The following PHF12 variants were observed in gnomAD, a reference collection of about 807,000 sequenced individuals.
PHF12 encodes the protein PHD finger protein 12.
PHF12 carries 6 observed loss-of-function variants against 99.8 expected under a neutral mutation model. That is an observed-to-expected ratio of 0.06 (90% CI 0.03 to 0.12). The LOEUF is 0.12. Ranked by LOEUF, PHF12 falls within the 10% of genes least tolerant of loss-of-function variation. The pLI, the probability that PHF12 is intolerant of heterozygous loss-of-function variation, is 1.00. For missense variants in PHF12, 954 were observed against 1,300.1 expected (o/e 0.73, Z 4.09); for synonymous variants, 480 against 514.9 (o/e 0.93, Z 0.92).
chr17:28,907,629 G>A lies in PHF12; in HGVS notation c.2502C>T (p.Asn834=). ...TGCAGGCATGTTTCCCGGACACGTA[G>A]TTACAGTGACCATAGTTTGTAAGGC... The part of the protein sequence containing the change: ...DVCLTNYGHC[N]YVSGKHACIF... Residue 834 remains asparagine (N), a synonymous_variant, in exon 13 of 15, where the codon AAC becomes AAT. Transcript: ENST00000332830. The A allele has an allele frequency of 6.2e-7, 1 of 1,614,020 alleles. No individual in the cohort carries two copies. Among genetic ancestry groups the A allele is most frequent in the Non-Finnish European group, 8.5e-7 (1 of 1,179,938 alleles).
At chr17:28,910,993 C>T (rs2039949325) in intron 10 of PHF12, 119 bp downstream of exon 10, 1 of 1,430,956 alleles carries the variant, frequency 7.0e-7, no homozygotes, top group Non-Finnish European at 9.5e-7. Context: ...TTCCCATCTC[C>T]CCCTAGGCCT....
chr17:28,939,281 T>A (rs1343166395), intron 2 of PHF12, among the ~76,000 whole-genome samples: 3 of 152,236 alleles, frequency 2.0e-5, no homozygotes, highest in Non-Finnish European at 4.4e-5. Flanking sequence ...AAAGCCAAAA[T>A]TACTGACAAC....
chr17:28,911,898 G>A lies in PHF12; in HGVS notation c.2089+584C>T, dbSNP rs540382665. ...AGGCCAAGTACAGACCTGAAGGACC[G>A]CCCTTTGGCATGTGGCCTGAGGGCA... On this transcript the variant is annotated intron_variant, in intron 9 of 14. Transcript: ENST00000332830. Among the ~76,000 whole-genome samples, 8 of 152,354 alleles carry A rather than the reference G, an allele frequency of 5.3e-5. No homozygotes were observed. In the South Asian group the frequency reaches 8.3e-4, roughly 16 times the overall value.
intron 10 of PHF12, 81 bp downstream of exon 10, chr17:28,911,031 T>G: frequency 2.1e-5 from 33 of 1,552,304 alleles, no homozygotes; most frequent in East Asian, 7.3e-5. Flanking sequence ...TTCCCTCCCT[T>G]TCTGAAATGA....
intron 5 of PHF12, 124 bp downstream of exon 5, chr17:28,921,564 T>C (rs1438961440): frequency 3.2e-6 from 4 of 1,257,082 alleles, no homozygotes; most frequent in Admixed American, 4.2e-5. Flanking sequence ...TTAGTCTCCA[T>C]GTACTCATAC....
At chr17:28,910,996 C>G in intron 10 of PHF12, 116 bp downstream of exon 10, 1 of 1,457,700 alleles carries the variant, frequency 6.9e-7, no homozygotes, top group South Asian at 1.3e-5. Flanking sequence ...CCATCTCCCC[C>G]TAGGCCTCTG....
Position 28,906,629 on chromosome 17 carries a change from G to T in PHF12, c.2681-112C>A. 2.3e-6 allele frequency: 3 copies of T among 1,302,176 alleles called. No homozygotes were observed. The highest frequency in any genetic ancestry group is 3.2e-6 in the Non-Finnish European group (3 of 951,706). 80.7% of individuals were successfully genotyped at this position (1,302,176 alleles called of 1,614,324 possible). A position where few individuals can be genotyped will look rare whatever the true frequency, so the allele number is the denominator to read the frequency against. On this transcript the variant is annotated intron_variant, in intron 14 of 14. Transcript: ENST00000332830. This position sits in a 1 kb window ranked among gnomAD's most constrained non-coding sequence, Gnocchi z 4.2. Reference sequence around the variant, plus strand: ...CCCCATTCCAACTGCTGCATGACTAGGGAGGAAGGATGCTCAGAAAGGGTT... The same window carrying T: ...CCCCATTCCAACTGCTGCATGACTATGGAGGAAGGATGCTCAGAAAGGGTT...
intron 3 of PHF12, 30 bp downstream of exon 3, chr17:28,926,961 T>A: frequency 6.2e-7 from 1 of 1,612,732 alleles, no homozygotes; most frequent in Non-Finnish European, 8.5e-7. Flanking sequence ...TCAGGCTTTC[T>A]GGACAGTCTT....
chr17:28,921,906 A>G (rs746542415), intron 4 of PHF12, 98 bp from the exon 5 acceptor site: 3 of 1,532,196 alleles, frequency 2.0e-6, no homozygotes, highest in Non-Finnish European at 2.7e-6. Flanking sequence ...GATCTTAAGC[A>G]TGTGTCATGG....
intron 5 of PHF12, among the ~76,000 whole-genome samples, chr17:28,920,016 C>T (rs972895674): frequency 2.6e-5 from 4 of 152,154 alleles, no homozygotes; most frequent in African/African-American, 9.7e-5. Context: ...GGAGTCTTAA[C>T]TATAGCAAGA....
At chr17:28,947,597 CAAA>C (rs1215850504) in intron 2 of PHF12, among the ~76,000 whole-genome samples, 1 of 151,882 alleles carries the variant, frequency 6.6e-6, no homozygotes, top group East Asian at 1.9e-4. Flanking sequence ...AACAAACAAA[CAAA>C]AAACAACAAC....
At position 28,911,097 on chromosome 17, in the gene PHF12, A is replaced by G; in HGVS notation, c.2215+15T>C. On this transcript the variant is annotated intron_variant, in intron 10 of 14. Coordinates refer to ENST00000332830, the MANE Select transcript of PHF12 (RefSeq NM_001033561.2). ...ACATAGCAAACGGTGGAACAGCAGCAGCTCATTCACTCACCTCCATTGACA... is the reference window on the plus strand; with the variant it reads ...ACATAGCAAACGGTGGAACAGCAGCGGCTCATTCACTCACCTCCATTGACA... 6.2e-7 allele frequency: 1 copy of G among 1,614,130 alleles called. No homozygotes were observed.
chr17:28,938,390 C>T lies in PHF12; in HGVS notation c.249-11327G>A, dbSNP rs562208365. Among the ~76,000 whole-genome samples, 27 of 152,216 alleles carry T rather than the reference C, an allele frequency of 1.8e-4. No individual in the cohort carries two copies. In the South Asian group the frequency reaches 4.8e-3, roughly 27 times the overall value. ...GATTACAGGCAGGCACCACCACACCCGGCTAATTTTTGTATTTTTAGTAGA... is the reference window on the plus strand; with the variant it reads ...GATTACAGGCAGGCACCACCACACCTGGCTAATTTTTGTATTTTTAGTAGA... On this transcript the variant is annotated intron_variant, in intron 2 of 14. Transcript: ENST00000332830.
chr17:28,906,899 T>A lies in PHF12; in HGVS notation c.2637A>T (p.Pro879=), dbSNP rs2039880609. 2 of 1,612,894 alleles carry A rather than the reference T, an allele frequency of 1.2e-6. No individual in the cohort carries two copies. The stretch of plus-strand genomic sequence containing the variant: ...TGGCAACAATACTGCTTGGGGGGGT[T>A]GGCGGGGTCTTCTCCGAGAAGTCAC... ...YSCDFSEKTP[P]TPPSSIVAKV... The change falls in exon 14 of 15, where the codon CCA becomes CCT. Residue 879 remains proline, a synonymous_variant. Transcript: ENST00000332830. This position sits in a 1 kb window ranked among gnomAD's most constrained non-coding sequence, Gnocchi z 4.2.
rs1203889859 is a variant in PHF12, at chr17:28,950,812, G to T, written c.66+83C>A. ...CCTCCCTCGGCCATCTAGGCGCTTC[G>T]AGTTTAGGACTGGCTTTGTGGGGCG... On this transcript the variant is annotated intron_variant, in intron 1 of 14. Coordinates refer to ENST00000332830, the MANE Select transcript of PHF12 (RefSeq NM_001033561.2). The surrounding 1 kb of genome is among the most constrained non-coding windows in gnomAD (Gnocchi z 5.7). 3.2e-6 allele frequency: 5 copies of T among 1,555,656 alleles called. No individual in the cohort carries two copies. The African/African-American group carries it at 4.2e-5, about 13-fold the overall frequency.
chr17:28,907,784 G>T, intron 12 of PHF12, 112 bp from the exon 13 acceptor site: 1 of 894,780 alleles, frequency 1.1e-6, no homozygotes, highest in Non-Finnish European at 1.8e-6. Context: ...CACTAGCAGA[G>T]ACTTCAAGGG....
intron 2 of PHF12, chr17:28,944,547 T>C (rs774139907): frequency 5.1e-6 from 5 of 980,682 alleles, no homozygotes; most frequent in Non-Finnish European, 6.1e-6. Context: ...ACATGACACG[T>C]AAGGCAGGAG....
chr17:28,929,906 C>G (rs1024136430), intron 2 of PHF12: 2 of 152,206 alleles, frequency 1.3e-5, no homozygotes, highest in Non-Finnish European at 2.9e-5. Flanking sequence ...TTTTCAAAGG[C>G]CTACAGACTC....
chr17:28,923,531 G>A (rs1276174401), intron 4 of PHF12, among the ~76,000 whole-genome samples: 5 of 150,114 alleles, frequency 3.3e-5, no homozygotes, highest in African/African-American at 9.8e-5. Flanking sequence ...GGTAGCATGC[G>A]CCTGTAGTCC....
Sources: gnomAD v4.1 joint callset for allele counts (sites outside exome capture counted in the v4.1 genomes callset) on GRCh38, gnomAD v4.1.1 for gene constraint, Gnocchi (gnomAD v3.1) non-coding constraint, MANE v1.5 for transcripts, NCBI Gene and HGNC (gene_info 2026-07-23, HGNC 2026-07-21) for gene names.